Variants in CCDC91 observed in about 807,000 individuals in gnomAD.
CCDC91 encodes coiled-coil domain-containing protein 91.
A neutral mutation model predicts 63.2 loss-of-function variants in CCDC91; 48 were observed. The ratio of observed to expected loss-of-function variants is 0.76; its 90% CI spans 0.60 to 0.97. The LOEUF is 0.97. CCDC91 is among the 50% of genes least tolerant of loss of function. CCDC91 has a pLI of 0.00. For missense variants in CCDC91, 500 were observed against 494.6 expected (o/e 1.01, Z -0.10); for synonymous variants, 167 against 165.8 (o/e 1.01, Z -0.06).
At chr12:28,322,422 C>T (rs1940598617) in intron 6 of CCDC91, among the ~76,000 whole-genome samples, 1 of 151,870 alleles carries the variant, frequency 6.6e-6, no homozygotes, top group African/African-American at 2.4e-5. Context: ...TCCTTGGCCT[C>T]TTCTTTTGCT....
chr12:28,349,061 ATGTTT>A (rs1434086872), intron 6 of CCDC91, among the ~76,000 whole-genome samples: 1 of 152,046 alleles, frequency 6.6e-6, no homozygotes, highest in Non-Finnish European at 1.5e-5. Flanking sequence ...ATGAATTACT[ATGTTT>A]TGTATTTCCA....
intron 8 of CCDC91, among the ~76,000 whole-genome samples, chr12:28,396,735 T>A (rs974602634): frequency 6.6e-6 from 1 of 151,990 alleles, no homozygotes; most frequent in African/African-American, 2.4e-5. Flanking sequence ...TATATAAGTA[T>A]GTTTTTATGT....
chr12:28,401,848 G>A (rs968882422), intron 8 of CCDC91, among the ~76,000 whole-genome samples: 1 of 152,084 alleles, frequency 6.6e-6, no homozygotes, highest in African/African-American at 2.4e-5. Flanking sequence ...AAGAAGTTTT[G>A]TATGTTTTCC....
intron 6 of CCDC91, among the ~76,000 whole-genome samples, chr12:28,356,535 C>T (rs1413933215): frequency 6.6e-6 from 1 of 152,108 alleles, no homozygotes; most frequent in East Asian, 1.9e-4. Context: ...TCTTGCCCCA[C>T]AGATTTCCTT....
At chr12:28,386,784 A>G (rs1167646554) in intron 7 of CCDC91, among the ~76,000 whole-genome samples, 1 of 152,246 alleles carries the variant, frequency 6.6e-6, no homozygotes, top group Non-Finnish European at 1.5e-5. Context: ...TTCAAAATCA[A>G]CAAAACATTT....
intron 7 of CCDC91, among the ~76,000 whole-genome samples, chr12:28,388,563 G>A (rs1310376126): frequency 6.6e-6 from 1 of 152,098 alleles, no homozygotes; most frequent in Non-Finnish European, 1.5e-5. Flanking sequence ...AGCGTCAAAA[G>A]ACTTCTACAA....
chr12:28,520,889 T>C (rs1940564997), intron 12 of CCDC91, among the ~76,000 whole-genome samples: 1 of 152,072 alleles, frequency 6.6e-6, no homozygotes, highest in Non-Finnish European at 1.5e-5. Flanking sequence ...TGTAGATGTG[T>C]GGTATTATTT....
chr12:28,305,625 T>C, intron 3 of CCDC91, 24 bp from the exon 4 acceptor site: 1 of 1,599,314 alleles, frequency 6.3e-7, no homozygotes, highest in African/African-American at 1.3e-5. Flanking sequence ...TCCTATCCTT[T>C]TTGTTGTTGT....
At chr12:28,422,211 A>G (rs1321771889) in intron 8 of CCDC91, among the ~76,000 whole-genome samples, 5 of 152,154 alleles carry the variant, frequency 3.3e-5, no homozygotes, top group Admixed American at 3.3e-4. Flanking sequence ...AAAATCAATC[A>G]CATCAAAATA....
rs150575154 is a variant in CCDC91 at position 28,361,681 on chromosome 12, A to T, written c.577-757A>T. On this transcript the variant is annotated intron_variant, in intron 6 of 12. Coordinates refer to ENST00000536442, the MANE Select transcript of CCDC91 (RefSeq NM_018318.5). ...ATAGTACATATTTCATAGATCTAGA[A>T]TTTCTATTTTATGGATTCCAGTTCT... Among the ~76,000 whole-genome samples the T allele has an allele frequency of 1.2e-3, 187 of 151,854 alleles. 3 individuals are homozygous for T. The highest frequency in any genetic ancestry group is 4.3e-3 in the African/African-American group (177 of 41,394).
At chr12:28,243,935 C>G (rs1464051511) in intron 1 of CCDC91, among the ~76,000 whole-genome samples, 1 of 152,134 alleles carries the variant, frequency 6.6e-6, no homozygotes, top group Admixed American at 6.6e-5. Context: ...CCAGCATAAT[C>G]CTGACATCCA....
chr12:28,532,847 A>C (rs114494441), intron 12 of CCDC91, among the ~76,000 whole-genome samples: 1 of 152,236 alleles, frequency 6.6e-6, no homozygotes, highest in African/African-American at 2.4e-5. Context: ...GTTTATAGTT[A>C]GTTTTCTCTA....
At chr12:28,429,625 T>G (rs537144292) in intron 8 of CCDC91, among the ~76,000 whole-genome samples, 14 of 152,236 alleles carry the variant, frequency 9.2e-5, no homozygotes, top group Admixed American at 3.3e-4. Context: ...TAAAAGGGCC[T>G]TGAAAGACTG....
chr12:28,285,998 C>G (rs1053850007), intron 3 of CCDC91, among the ~76,000 whole-genome samples: 2 of 151,876 alleles, frequency 1.3e-5, no homozygotes, highest in Admixed American at 1.3e-4. Context: ...CAGTGTCTAC[C>G]CTGGAGTACT....
intron 8 of CCDC91, among the ~76,000 whole-genome samples, chr12:28,424,616 T>C (rs1057443299): frequency 6.6e-6 from 1 of 152,180 alleles, no homozygotes; most frequent in African/African-American, 2.4e-5. Flanking sequence ...AGTTCATCTG[T>C]TTTTCTTGTT....
chr12:28,201,135 C>T (rs1362462698), intron 1 of CCDC91, among the ~76,000 whole-genome samples: 1 of 149,676 alleles, frequency 6.7e-6, no homozygotes, highest in East Asian at 2.0e-4. Flanking sequence ...GGGGCTGACC[C>T]CCACCTCCCT....
At chr12:28,280,323 G>C (rs899222995) in intron 3 of CCDC91, among the ~76,000 whole-genome samples, 5 of 152,072 alleles carry the variant, frequency 3.3e-5, no homozygotes, top group African/African-American at 1.2e-4. Flanking sequence ...TTCTACTCTT[G>C]TAACTATTTC....
In CCDC91 at chr12:28,305,632, T is replaced by C. The variant is rs760716625; in HGVS notation, c.110-17T>C. ...TTTAATAATCCTATCCTTTTTGTTG[T>C]TGTTGTTTTTCTTTAGTATCTGGAG... On this transcript the variant is annotated splice_polypyrimidine_tract_variant and intron_variant, in intron 3 of 12. Transcript: ENST00000536442. 7 of 1,605,384 alleles carry C rather than the reference T, an allele frequency of 4.4e-6. No individual in the cohort carries two copies. The South Asian group carries it at 6.7e-5, about 15-fold the overall frequency.
intron 6 of CCDC91, among the ~76,000 whole-genome samples, chr12:28,360,713 C>T (rs942156068): frequency 6.6e-6 from 1 of 152,272 alleles, no homozygotes; most frequent in Admixed American, 6.5e-5. Flanking sequence ...TTCTAAACAA[C>T]TCTGCAGATT....
Sources: allele counts gnomAD v4.1 joint callset (sites outside exome capture counted in the v4.1 genomes callset), GRCh38; gene constraint gnomAD v4.1.1; transcripts MANE v1.5; gene names NCBI Gene and HGNC (gene_info 2026-07-23, HGNC 2026-07-21).